RMST: variants seen among roughly 807,000 people sequenced by gnomAD.
The protein encoded by RMST is rhabdomyosarcoma 2 associated transcript.
exon 9 of RMST, chr12:97,494,707 C>T (rs1472901587): frequency 6.6e-6 from 1 of 151,910 alleles, no homozygotes; most frequent in African/African-American, 2.4e-5. Flanking sequence ...TGGCTGAAAC[C>T]ACCACGGTTG....
chr12:97,506,999 C>T (rs11109070), intron 10 of RMST, among the ~76,000 whole-genome samples: 1,996 of 151,932 alleles, frequency 0.013, 45 homozygotes, highest in East Asian at 0.079. Context: ...TCATTCTAAG[C>T]GGAGAAGATA....
chr12:97,553,658 C>T (rs924291522), intron 11 of RMST, among the ~76,000 whole-genome samples: 18 of 152,156 alleles, frequency 1.2e-4, no homozygotes, highest in African/African-American at 4.3e-4. Flanking sequence ...GTTGACACTC[C>T]TGGTCCTGTA....
chr12:97,487,542 A>G (rs1386398109), intron 5 of RMST, among the ~76,000 whole-genome samples: 1 of 152,194 alleles, frequency 6.6e-6, no homozygotes, highest in Non-Finnish European at 1.5e-5. Flanking sequence ...ATGGACCTCA[A>G]GCAGCTGGGG....
chr12:97,469,188 G>A (rs4586218), intron 5 of RMST, among the ~76,000 whole-genome samples: 79,380 of 146,312 alleles, frequency 0.54, 21,512 homozygotes, highest in East Asian at 0.73. Context: ...GTGTATGTGT[G>A]TATATATATA....
intron 11 of RMST, among the ~76,000 whole-genome samples, chr12:97,543,756 A>G (rs780421230): frequency 3.2e-4 from 49 of 151,998 alleles, no homozygotes; most frequent in Non-Finnish European, 2.9e-5. Context: ...TGGAAGCACA[A>G]ATCCTACCTG....
chr12:97,475,649 A>G (rs762084010), intron 5 of RMST, among the ~76,000 whole-genome samples: 2 of 151,332 alleles, frequency 1.3e-5, no homozygotes, highest in African/African-American at 2.4e-5. Context: ...AAAGGCAAAC[A>G]TTATGATCCT....
chr12:97,561,631 T>A (rs1234250289), intron 13 of RMST, among the ~76,000 whole-genome samples: 2 of 16,612 alleles, frequency 1.2e-4, no homozygotes, highest in Non-Finnish European at 2.6e-4. Context: ...TTTGAAGGCT[T>A]TTTTTTTTTT....
chr12:97,558,585 A>G (rs1267232981), intron 11 of RMST, among the ~76,000 whole-genome samples: 2 of 152,204 alleles, frequency 1.3e-5, no homozygotes, highest in Non-Finnish European at 2.9e-5. Context: ...TCAAATATAC[A>G]GCTGAGTTTT....
At chr12:97,511,143 C>T (rs963133671) in intron 10 of RMST, among the ~76,000 whole-genome samples, 4 of 147,518 alleles carry the variant, frequency 2.7e-5, no homozygotes, top group African/African-American at 1.0e-4. Context: ...GGAAATTGTA[C>T]TTCCTTCTTT....
chr12:97,482,677 T>TAATTTATTATTTATTTAATAAATAAATA (rs1875492889), intron 5 of RMST, among the ~76,000 whole-genome samples: 2 of 95,744 alleles, frequency 2.1e-5, no homozygotes, highest in African/African-American at 4.2e-5. Flanking sequence ...ATTTAATATT[T>TAATTTATTATTTATTTAATAAATAAATA]AATTTATTTA....
chr12:97,514,202 T>G (rs1292829478), intron 10 of RMST, among the ~76,000 whole-genome samples: 1 of 152,200 alleles, frequency 6.6e-6, no homozygotes, highest in Non-Finnish European at 1.5e-5. Flanking sequence ...GCTCTGTAGT[T>G]AATTACTGCA....
chr12:97,528,639 A>G (rs555225464), intron 10 of RMST, among the ~76,000 whole-genome samples: 1 of 152,312 alleles, frequency 6.6e-6, no homozygotes, highest in Non-Finnish European at 1.5e-5. Context: ...AACTCTTTTC[A>G]GTATTGTAAA....
At chr12:97,507,267 T>G (rs1272705471) in intron 10 of RMST, among the ~76,000 whole-genome samples, 1 of 129,090 alleles carries the variant, frequency 7.7e-6, no homozygotes, top group Non-Finnish European at 1.5e-5. Context: ...GTTTTTTTTT[T>G]GTTTTTGTCT....
intron 11 of RMST, among the ~76,000 whole-genome samples, chr12:97,545,538 G>A (rs1882866849): frequency 6.6e-6 from 1 of 152,028 alleles, no homozygotes; most frequent in Non-Finnish European, 1.5e-5. Flanking sequence ...TGACCTTAAG[G>A]AATGTGAATA....
chr12:97,561,984 G>C (rs766530553), intron 13 of RMST, among the ~76,000 whole-genome samples: 1 of 152,036 alleles, frequency 6.6e-6, no homozygotes, highest in South Asian at 2.1e-4. Context: ...AAGGCATTTT[G>C]AGTGCCCTCC....
chr12:97,559,076 T>C (rs1010487285), intron 11 of RMST, among the ~76,000 whole-genome samples: 2 of 147,912 alleles, frequency 1.4e-5, no homozygotes, highest in Admixed American at 1.4e-4. Context: ...GATGCAAATA[T>C]GATTTCGAGG....
chr12:97,528,083 C>T (rs1881287967), intron 10 of RMST, among the ~76,000 whole-genome samples: 1 of 151,956 alleles, frequency 6.6e-6, no homozygotes, highest in Admixed American at 6.6e-5. Context: ...ATTGTTGTTC[C>T]CATTTTACAG....
intron 13 of RMST, among the ~76,000 whole-genome samples, chr12:97,562,666 A>G (rs1224889684): frequency 6.6e-6 from 1 of 152,196 alleles, no homozygotes; most frequent in East Asian, 1.9e-4. Context: ...CAAAAGTGCA[A>G]CCTGAGATTA....
chr12:97,561,629 C>CTTT (rs9331504), intron 13 of RMST, among the ~76,000 whole-genome samples: 22 of 56,686 alleles, frequency 3.9e-4, no homozygotes, highest in Admixed American at 6.5e-4. Flanking sequence ...AGTTTGAAGG[C>CTTT]TTTTTTTTTT....
Sources: gnomAD v4.1 joint callset for allele counts (sites outside exome capture counted in the v4.1 genomes callset) on GRCh38, gnomAD v4.1.1 for gene constraint, MANE v1.5 for transcripts, NCBI Gene and HGNC (gene_info 2026-07-23, HGNC 2026-07-21) for gene names.